SOX6: variants seen among roughly 807,000 people sequenced by gnomAD.
SOX6 encodes transcription factor SOX-6.
In SOX6, 11 loss-of-function variants were observed where a neutral mutation model predicts 97.8. The ratio of observed to expected loss-of-function variants is 0.11; its 90% CI spans 0.07 to 0.19. The LOEUF is 0.19. SOX6 is among the 10% of genes least tolerant of loss of function. SOX6 has a pLI of 1.00. For missense variants in SOX6, 810 were observed against 1,039.5 expected (o/e 0.78, Z 3.04); for synonymous variants, 360 against 371.4 (o/e 0.97, Z 0.35).
chr11:15,997,553 C>T (rs1012631675), intron 13 of SOX6, among the ~76,000 whole-genome samples: 3 of 152,126 alleles, frequency 2.0e-5, no homozygotes, highest in Admixed American at 1.3e-4. Flanking sequence ...TAGCTCATTA[C>T]ATTAACAGAA....
chr11:16,246,442 A>C (rs968502052), intron 3 of SOX6, among the ~76,000 whole-genome samples: 1 of 151,874 alleles, frequency 6.6e-6, no homozygotes, highest in African/African-American at 2.4e-5. Flanking sequence ...TCTGCTAGCA[A>C]TAAATTGTCT....
intron 2 of SOX6, among the ~76,000 whole-genome samples, chr11:16,323,548 C>T (rs1247501915): frequency 6.6e-6 from 1 of 151,910 alleles, no homozygotes; most frequent in Non-Finnish European, 1.5e-5. Flanking sequence ...CCCTGGAATG[C>T]CCTATATCTT....
intron 3 of SOX6, among the ~76,000 whole-genome samples, chr11:16,660,579 T>G (rs2134018835): frequency 6.6e-6 from 1 of 152,332 alleles, no homozygotes; most frequent in Middle Eastern, 3.4e-3. Context: ...GAATGAAGTA[T>G]TCTCTAAATA....
chr11:16,302,550 T>C (rs917606484), intron 3 of SOX6, among the ~76,000 whole-genome samples: 2 of 109,908 alleles, frequency 1.8e-5, no homozygotes, highest in Admixed American at 8.7e-5. Context: ...TCTACAGCAT[T>C]TTTTTTTCTT....
intron 4 of SOX6, among the ~76,000 whole-genome samples, chr11:16,502,087 A>C (rs192522089): frequency 9.2e-5 from 14 of 152,354 alleles, no homozygotes; most frequent in Non-Finnish European, 1.6e-4. Context: ...GATAGACTGG[A>C]TTAAGAAAAT....
intron 13 of SOX6, among the ~76,000 whole-genome samples, chr11:15,994,257 G>A (rs1854155047): frequency 6.6e-6 from 1 of 152,092 alleles, no homozygotes; most frequent in Non-Finnish European, 1.5e-5. Context: ...GGAGGCTTCA[G>A]AGTTGAAGCG....
At position 16,324,288 on chromosome 11, in the gene SOX6, A is replaced by G. The variant is rs374175933; in HGVS notation, c.238-5635T>C. Among the ~76,000 whole-genome samples, 24 of 152,280 alleles carry G rather than the reference A, an allele frequency of 1.6e-4. No individual in the cohort carries two copies. The South Asian group carries it at 2.1e-3, about 13-fold the overall frequency. ...TAAGCTAAACATTTAGAACTGAGAT[A>G]TTAAAACATAAGGAATTGATGATAC... On this transcript the variant is annotated intron_variant, in intron 2 of 15. Coordinates refer to ENST00000683767, the MANE Select transcript of SOX6 (RefSeq NM_001367873.1).
chr11:16,362,280 A>T (rs1429673740), intron 1 of SOX6, among the ~76,000 whole-genome samples: 3 of 152,206 alleles, frequency 2.0e-5, no homozygotes, highest in African/African-American at 4.8e-5. Flanking sequence ...AAGAATCTCC[A>T]CATTTCCCCC....
At chr11:16,590,885 C>T (rs1848142588) in intron 4 of SOX6, among the ~76,000 whole-genome samples, 1 of 151,848 alleles carries the variant, frequency 6.6e-6, no homozygotes, top group Non-Finnish European at 1.5e-5. Context: ...GATAGCACAA[C>T]ACAGTGACTA....
intron 2 of SOX6, among the ~76,000 whole-genome samples, chr11:16,729,477 C>G (rs922615505): frequency 2.0e-5 from 3 of 152,110 alleles, no homozygotes; most frequent in African/African-American, 7.2e-5. Context: ...TCCAGCCAAA[C>G]TAAGCTTCAC....
chr11:15,982,820 G>A (rs1853706614), intron 15 of SOX6, among the ~76,000 whole-genome samples: 1 of 151,884 alleles, frequency 6.6e-6, no homozygotes, highest in African/African-American at 2.4e-5. Context: ...CAGATACAGA[G>A]GGCTGAATGT....
At chr11:16,462,321 A>G (rs991034882) in intron 1 of SOX6, among the ~76,000 whole-genome samples, 1 of 152,246 alleles carries the variant, frequency 6.6e-6, no homozygotes, top group Non-Finnish European at 1.5e-5. Flanking sequence ...GTTCAGGTAA[A>G]GATAGTTATT....
chr11:16,400,734 A>T (rs1377991238), intron 1 of SOX6, among the ~76,000 whole-genome samples: 1 of 151,484 alleles, frequency 6.6e-6, no homozygotes, highest in African/African-American at 2.4e-5. Flanking sequence ...TGGGCCCCAG[A>T]GAGAGGGCAG....
intron 4 of SOX6, among the ~76,000 whole-genome samples, chr11:16,533,390 T>G (rs963784708): frequency 2.6e-5 from 4 of 151,870 alleles, no homozygotes; most frequent in African/African-American, 7.2e-5. Flanking sequence ...ATAAAGAGTA[T>G]TAAGATCAAA....
intron 6 of SOX6, among the ~76,000 whole-genome samples, chr11:16,147,431 A>C (rs1023749362): frequency 3.3e-5 from 5 of 152,146 alleles, no homozygotes. Flanking sequence ...CGGCACACCA[A>C]CATGGCACAT....
chr11:16,483,966 C>G, intron 4 of SOX6: 1 of 859,722 alleles, frequency 1.2e-6, no homozygotes, highest in Non-Finnish European at 2.0e-6. Context: ...TTTTATTGTG[C>G]TTGGCTGTGA....
At chr11:16,516,850 C>T (rs1323643706) in intron 4 of SOX6, among the ~76,000 whole-genome samples, 2 of 151,368 alleles carry the variant, frequency 1.3e-5, no homozygotes, top group Admixed American at 1.3e-4. Context: ...CATTCTGATA[C>T]CAAAGTCGGG....
intron 14 of SOX6, 41 bp downstream of exon 14, chr11:15,988,956 G>T (rs547896134): frequency 6.4e-7 from 1 of 1,566,670 alleles, no homozygotes; most frequent in Non-Finnish European, 8.8e-7. Flanking sequence ...CATGGGATTT[G>T]CAGGGGAGAA....
intron 6 of SOX6, among the ~76,000 whole-genome samples, chr11:16,143,007 A>C (rs1850186905): frequency 6.6e-6 from 1 of 152,156 alleles, no homozygotes; most frequent in Non-Finnish European, 1.5e-5. Flanking sequence ...AGAACACCAC[A>C]AAGATACTCC....
Sources: gnomAD v4.1 joint callset for allele counts (sites outside exome capture counted in the v4.1 genomes callset) on GRCh38, gnomAD v4.1.1 for gene constraint, MANE v1.5 for transcripts, NCBI Gene and HGNC (gene_info 2026-07-23, HGNC 2026-07-21) for gene names.